ITGBL1: variants seen among roughly 807,000 people sequenced by gnomAD.
The protein encoded by ITGBL1 is integrin subunit beta like 1.
ITGBL1 carries 51 observed loss-of-function variants against 68.5 expected under a neutral mutation model. That is an observed-to-expected ratio of 0.74 (90% CI 0.59 to 0.94). The LOEUF (loss-of-function observed/expected upper bound fraction) is 0.94. Ranked by LOEUF, ITGBL1 falls within the 40% of genes least tolerant of loss-of-function variation. The pLI is 0.00. For missense variants in ITGBL1, 649 were observed against 647.4 expected (o/e 1.00, Z -0.03); for synonymous variants, 209 against 227.3 (o/e 0.92, Z 0.72).
Position 101,512,224 on chromosome 13 carries a change from A to G in ITGBL1, c.317-55475A>G, listed in dbSNP as rs182854561. 1.3e-3 allele frequency among the ~76,000 whole-genome samples: 203 copies of G among 151,666 alleles called. 1 individual carries two copies. Among genetic ancestry groups the G allele is most frequent in the African/African-American group, 4.3e-3 (177 of 41,324 alleles). On this transcript the variant is annotated intron_variant, in intron 2 of 10. Transcript: ENST00000376180. ...ATCTCTTCTTCTGCATGTTATTTCT[A>G]CTTTGCCTTTGCTGGGTTATTTCTG...
chr13:101,558,309 C>T (rs2050043444), intron 2 of ITGBL1, among the ~76,000 whole-genome samples: 1 of 151,880 alleles, frequency 6.6e-6, no homozygotes, highest in Admixed American at 6.6e-5. Context: ...CTGAGGACTC[C>T]AGAAACGGGG....
intron 7 of ITGBL1, among the ~76,000 whole-genome samples, chr13:101,637,139 A>C (rs749600845): frequency 1.3e-5 from 2 of 152,158 alleles, no homozygotes; most frequent in South Asian, 4.1e-4. Context: ...CAAGTTTGCT[A>C]ATGTTCCATA....
At chr13:101,697,316 A>G (rs1210078026) in intron 8 of ITGBL1, among the ~76,000 whole-genome samples, 1 of 152,208 alleles carries the variant, frequency 6.6e-6, no homozygotes, top group Admixed American at 6.5e-5. Flanking sequence ...ATCTGATGAC[A>G]CTATGTTGTA....
chr13:101,705,309 A>G (rs1400187108), intron 8 of ITGBL1, among the ~76,000 whole-genome samples: 8 of 139,938 alleles, frequency 5.7e-5, no homozygotes, highest in African/African-American at 2.2e-4. Flanking sequence ...AAAAAAAAAA[A>G]CAACAACAAC....
In ITGBL1 at chr13:101,623,810, T is replaced by C. The variant is rs184718756; in HGVS notation, c.1015+25511T>C. Among the ~76,000 whole-genome samples, 65 of 152,364 alleles carry C rather than the reference T, an allele frequency of 4.3e-4. 1 individual carries two copies. The East Asian group carries it at 0.011, about 27-fold the overall frequency. On this transcript the variant is annotated intron_variant, in intron 7 of 10. Coordinates refer to ENST00000376180, the MANE Select transcript of ITGBL1 (RefSeq NM_004791.3). ...CATCAGGGCAGTGTGGTAAGTAGTC[T>C]GACTGTAGAATATTTTAAAGGAATG...
At chr13:101,539,121 A>G (rs924405897) in intron 2 of ITGBL1, among the ~76,000 whole-genome samples, 4 of 133,592 alleles carry the variant, frequency 3.0e-5, no homozygotes, top group Non-Finnish European at 6.1e-5. Flanking sequence ...TTACATATGT[A>G]TACATCTGCT....
intron 7 of ITGBL1, among the ~76,000 whole-genome samples, chr13:101,603,657 A>G (rs1472199876): frequency 1.3e-5 from 2 of 150,642 alleles, no homozygotes; most frequent in Non-Finnish European, 3.0e-5. Flanking sequence ...TGTAAAAAAA[A>G]TGACCATAGG....
intron 2 of ITGBL1, among the ~76,000 whole-genome samples, chr13:101,480,984 CT>C (rs554441920): frequency 4.0e-5 from 6 of 148,520 alleles, no homozygotes; most frequent in African/African-American, 1.5e-4. Context: ...CATAGGGAGC[CT>C]TTTAATGCCA....
At chr13:101,681,853 G>A (rs769981091) in intron 7 of ITGBL1, among the ~76,000 whole-genome samples, 45 of 151,952 alleles carry the variant, frequency 3.0e-4, no homozygotes, top group Non-Finnish European at 4.1e-4. Flanking sequence ...TGTTGGGAGA[G>A]AATAGTCAGA....
At chr13:101,662,614 C>T (rs1297891003) in intron 7 of ITGBL1, among the ~76,000 whole-genome samples, 1 of 152,012 alleles carries the variant, frequency 6.6e-6, no homozygotes, top group African/African-American at 2.4e-5. Flanking sequence ...AGCATATTTC[C>T]ATCTCTTCCT....
intron 8 of ITGBL1, among the ~76,000 whole-genome samples, chr13:101,701,865 G>C (rs2034144400): frequency 6.6e-6 from 1 of 152,142 alleles, no homozygotes; most frequent in Non-Finnish European, 1.5e-5. Context: ...ACTGTTTTAT[G>C]GGTGCTTAGT....
intron 2 of ITGBL1, among the ~76,000 whole-genome samples, chr13:101,466,952 A>C (rs1341151963): frequency 6.6e-6 from 1 of 152,184 alleles, no homozygotes; most frequent in African/African-American, 2.4e-5. Flanking sequence ...TAATGCTCAC[A>C]GTTCTGGAGG....
intron 7 of ITGBL1, among the ~76,000 whole-genome samples, chr13:101,688,125 C>T (rs973865864): frequency 6.6e-6 from 1 of 151,976 alleles, no homozygotes; most frequent in Non-Finnish European, 1.5e-5. Context: ...AGTCAATAAA[C>T]CTGTATGTCA....
At chr13:101,459,915 A>C (rs2048295121) in intron 2 of ITGBL1, among the ~76,000 whole-genome samples, 1 of 152,146 alleles carries the variant, frequency 6.6e-6, no homozygotes, top group Non-Finnish European at 1.5e-5. Context: ...TATACTACGA[A>C]GTAAGTAGTA....
chr13:101,511,381 T>C (rs1191606395), intron 2 of ITGBL1, among the ~76,000 whole-genome samples: 1 of 152,122 alleles, frequency 6.6e-6, no homozygotes, highest in Non-Finnish European at 1.5e-5. Flanking sequence ...AATTCCTTTT[T>C]CTTGAGTGGA....
intron 2 of ITGBL1, among the ~76,000 whole-genome samples, chr13:101,467,126 C>T (rs1164687956): frequency 6.6e-6 from 1 of 152,184 alleles, no homozygotes; most frequent in East Asian, 1.9e-4. Flanking sequence ...CTGGAGTGCT[C>T]ATGACCTAAT....
At chr13:101,553,719 C>T (rs1279740300) in intron 2 of ITGBL1, among the ~76,000 whole-genome samples, 1 of 151,642 alleles carries the variant, frequency 6.6e-6, no homozygotes, top group East Asian at 2.0e-4. Context: ...GACACATTGC[C>T]CCGATCCCTG....
At chr13:101,573,073 T>A (rs1294055284) in intron 3 of ITGBL1, among the ~76,000 whole-genome samples, 2 of 152,150 alleles carry the variant, frequency 1.3e-5, no homozygotes, top group African/African-American at 4.8e-5. Flanking sequence ...TCTCATTATT[T>A]TCTATAGCAC....
intron 7 of ITGBL1, among the ~76,000 whole-genome samples, chr13:101,600,658 A>G (rs1281262848): frequency 6.6e-6 from 1 of 152,102 alleles, no homozygotes; most frequent in African/African-American, 2.4e-5. Context: ...GGGTTGTTGA[A>G]TTTTGTCAAA....
Sources: allele counts gnomAD v4.1 joint callset (sites outside exome capture counted in the v4.1 genomes callset), GRCh38; gene constraint gnomAD v4.1.1; transcripts MANE v1.5; gene names NCBI Gene and HGNC (gene_info 2026-07-23, HGNC 2026-07-21).